RPP30: variants seen among roughly 807,000 people sequenced by gnomAD.
RPP30 encodes the protein ribonuclease P protein subunit p30.
Under a neutral mutation model 38.6 loss-of-function variants are expected in RPP30, and 36 were observed. The observed-to-expected ratio is 0.93, with a 90% CI of 0.71 to 1.23. The LOEUF is 1.23. RPP30 is among the 50% of genes most tolerant of loss of function. RPP30 has a pLI of 0.00. For synonymous variants in RPP30, 126 were observed against 112.7 expected (o/e 1.12, Z -0.75); for missense variants, 321 against 321.7 (o/e 1.00, Z 0.02).
Position 90,876,072 on chromosome 10 carries a change from TC to T in RPP30, c.245del (p.Ser82TrpfsTer9). ...KILTRLTIIV[S>X]DPSHCNVLRA... ...TTTAACTAGATTAACAATTATTGTC[TC>T]GGATCCATCTCACTGCAATGTTTTG... On this transcript the variant is annotated frameshift_variant, in exon 4 of 11. Transcript: ENST00000371703. LOFTEE classifies it high-confidence loss of function. 6.3e-7 allele frequency: 1 copy of T among 1,583,210 alleles called. No homozygotes were observed. The highest frequency in any genetic ancestry group is 1.1e-5 in the South Asian group (1 of 90,268).
At chr10:90,900,155 A>G (rs180895393) in intron 10 of RPP30, among the ~76,000 whole-genome samples, 3 of 152,324 alleles carry the variant, frequency 2.0e-5, no homozygotes, top group Non-Finnish European at 4.4e-5. Flanking sequence ...AATAAGAGAG[A>G]TAGGGTACAT....
intron 1 of RPP30, 131 bp downstream of exon 1, chr10:90,872,199 A>G (rs1846787195): frequency 2.6e-6 from 2 of 766,808 alleles, no homozygotes; most frequent in Non-Finnish European, 4.6e-6. Flanking sequence ...CTGGAGGCTG[A>G]TGCCCGCCGA....
intron 5 of RPP30, among the ~76,000 whole-genome samples, chr10:90,883,159 A>G (rs1453815053): frequency 6.6e-6 from 1 of 152,182 alleles, no homozygotes; most frequent in East Asian, 1.9e-4. Context: ...GATACCTTTG[A>G]AAGGGATTCA....
At position 90,895,360 on chromosome 10, in the gene RPP30, T is replaced by C. The variant is rs897944578; in HGVS notation, c.550-94T>C. The C allele has an allele frequency of 4.1e-6, 3 of 738,934 alleles. No individual in the cohort carries two copies. The African/African-American group carries it at 5.7e-5, about 14-fold the overall frequency. 45.8% of individuals were successfully genotyped at this position (738,934 alleles called of 1,614,324 possible). On this transcript the variant is annotated intron_variant, in intron 7 of 10. Coordinates refer to ENST00000371703, the MANE Select transcript of RPP30 (RefSeq NM_006413.5). ...TTAAAAGAAGTTGGTATTTGAGCCT[T>C]AAATGTTAAAATATGATTACTGGCT...
At chr10:90,903,163 T>G (rs766452958), downstream of RPP30, 1 of 1,265,006 alleles carries the variant, frequency 7.9e-7, no homozygotes, top group Non-Finnish European at 1.2e-6. Flanking sequence ...ATTGCTTCAC[T>G]AATGTCAAGT....
intron 1 of RPP30, among the ~76,000 whole-genome samples, chr10:90,872,455 C>T (rs934661221): frequency 1.6e-4 from 24 of 152,204 alleles, no homozygotes; most frequent in African/African-American, 4.6e-4. Context: ...GAATTTGGGG[C>T]ACGGACAGGA....
At chr10:90,905,932 A>G (rs572288410), downstream of RPP30, 4 of 152,372 alleles carry the variant, frequency 2.6e-5, no homozygotes, top group South Asian at 8.3e-4. Flanking sequence ...TAACAGGATT[A>G]AATAATTCAT....
intron 1 of RPP30, among the ~76,000 whole-genome samples, chr10:90,873,471 G>A (rs1201546406): frequency 6.6e-6 from 1 of 152,170 alleles, no homozygotes; most frequent in African/African-American, 2.4e-5. Flanking sequence ...ACAGAGCCCT[G>A]GTTCTCAGTT....
At chr10:90,879,821 A>G (rs543057481) in intron 5 of RPP30, among the ~76,000 whole-genome samples, 10 of 152,330 alleles carry the variant, frequency 6.6e-5, no homozygotes, top group Admixed American at 3.3e-4. Context: ...GGAAAAAACA[A>G]CTGTAATGCA....
At chr10:90,902,554 T>G (rs1479156161), downstream of RPP30, among the ~76,000 whole-genome samples, 1 of 152,172 alleles carries the variant, frequency 6.6e-6, no homozygotes, top group African/African-American at 2.4e-5. Flanking sequence ...CAGTATCCTT[T>G]ATCATATTCA....
chr10:90,893,153 A>T (rs901200378), intron 6 of RPP30, among the ~76,000 whole-genome samples: 5 of 152,244 alleles, frequency 3.3e-5, no homozygotes, highest in African/African-American at 1.2e-4. Context: ...CATATAGGAA[A>T]ATCTAAAATA....
intron 5 of RPP30, among the ~76,000 whole-genome samples, chr10:90,879,566 C>T (rs181421835): frequency 5.0e-4 from 76 of 152,290 alleles, no homozygotes; most frequent in African/African-American, 1.8e-3. Context: ...CCTTTGCATG[C>T]TCTGTGGTAT....
At chr10:90,902,900 T>C (rs1231217041), downstream of RPP30, among the ~76,000 whole-genome samples, 1 of 152,208 alleles carries the variant, frequency 6.6e-6, no homozygotes, top group Admixed American at 6.5e-5. Context: ...TCCTTCACCC[T>C]GCTTAAGTTC....
At chr10:90,879,280 G>C in intron 5 of RPP30, 146 bp downstream of exon 5, 1 of 592,102 alleles carries the variant, frequency 1.7e-6, no homozygotes, top group Non-Finnish European at 2.9e-6. Context: ...ACCCCATAAG[G>C]GTATATATAA....
Position 90,872,011 on chromosome 10 carries a change from C to G in RPP30, c.25C>G (p.Leu9Val), listed in dbSNP as rs201210847. 1 of 1,614,028 alleles carries G rather than the reference C, an allele frequency of 6.2e-7. No homozygotes were observed. The highest frequency in any genetic ancestry group is 8.5e-7 in the Non-Finnish European group (1 of 1,180,000). The change falls in exon 1 of 11, where the codon CTG (leucine) becomes GTG (valine). Residue 9 changes from leucine (L) to valine (V), a missense_variant. By Grantham distance (32) the Leu-to-Val change is conservative. Coordinates refer to ENST00000371703, the MANE Select transcript of RPP30 (RefSeq NM_006413.5). ...CATGGCGGTGTTTGCAGATTTGGACCTGCGAGCGGGTTCTGACCTGAAGGC... is the reference window on the plus strand; with the variant it reads ...CATGGCGGTGTTTGCAGATTTGGACGTGCGAGCGGGTTCTGACCTGAAGGC... MAVFADLD[L>V]RAGSDLKALR... is the part of the protein sequence containing the mutation.
chr10:90,879,163 G>A (rs1193010931), intron 5 of RPP30, 29 bp downstream of exon 5: 1 of 1,525,706 alleles, frequency 6.6e-7, no homozygotes, highest in Admixed American at 1.7e-5. Flanking sequence ...AAAGAAAGTA[G>A]TGTATATATG....
In RPP30 at chr10:90,876,047, T is replaced by G. The variant is rs766081200; in HGVS notation, c.219T>G (p.Ile73Met). The change falls in exon 4 of 11, where the codon ATT becomes ATG. Residue 73 changes from isoleucine to methionine, a missense_variant. By Grantham distance (10) the Ile-to-Met change is conservative. Transcript: ENST00000371703. ...IVQGKSRPIK[I>M]LTRLTIIVSD... The stretch of plus-strand genomic sequence containing the variant: ...AGGGAAAATCAAGACCAATTAAAAT[T>G]TTAACTAGATTAACAATTATTGTCT... The G allele has an allele frequency of 1.3e-6, 2 of 1,570,878 alleles. 1 individual carries two copies. Among genetic ancestry groups the G allele is most frequent in the East Asian group, 4.5e-5 (2 of 44,682 alleles).
At chr10:90,894,085 T>C (rs1847112197) in intron 6 of RPP30, among the ~76,000 whole-genome samples, 1 of 152,204 alleles carries the variant, frequency 6.6e-6, no homozygotes, top group Non-Finnish European at 1.5e-5. Flanking sequence ...TTCCATCTTT[T>C]TTGCTGTGCG....
At chr10:90,887,941 A>G (rs1847022302) in intron 6 of RPP30, among the ~76,000 whole-genome samples, 2 of 152,190 alleles carry the variant, frequency 1.3e-5, no homozygotes, top group Admixed American at 6.5e-5. Flanking sequence ...GTCTGTCAAG[A>G]TCTCTGATGT....
Sources: allele counts gnomAD v4.1 joint callset (sites outside exome capture counted in the v4.1 genomes callset), GRCh38; gene constraint gnomAD v4.1.1; transcripts MANE v1.5; gene names NCBI Gene and HGNC (gene_info 2026-07-23, HGNC 2026-07-21).